The following PIK3R4 variants were observed in gnomAD, a reference collection of about 807,000 sequenced individuals.
The protein encoded by PIK3R4 is phosphoinositide 3-kinase regulatory subunit 4.
PIK3R4 carries 46 observed loss-of-function variants against 136.5 expected under a neutral mutation model. The observed-to-expected ratio is 0.34, with a 90% CI of 0.27 to 0.43. The LOEUF (loss-of-function observed/expected upper bound fraction) is 0.43, where lower values mean the gene tolerates loss of function less well. Among genes scored for constraint, PIK3R4 ranks in the 20% least tolerant of loss-of-function variants. PIK3R4 has a pLI of 1.00. For missense variants in PIK3R4, 1,331 were observed against 1,649.5 expected, an observed-to-expected ratio of 0.81 and a Z score of 3.35; for synonymous variants, 557 against 566.7, an observed-to-expected ratio of 0.98 and a Z score of 0.24.
chr3:130,709,937 A>G (rs560255318), intron 9 of PIK3R4, among the ~76,000 whole-genome samples: 3 of 152,292 alleles, frequency 2.0e-5, no homozygotes, highest in Admixed American at 1.3e-4. Flanking sequence ...TCTGGAATTT[A>G]ACAGTGGTGA....
Position 130,706,944 on chromosome 3 carries a change from G to A in PIK3R4, c.2721+4C>T, listed in dbSNP as rs371654843. On this transcript the variant is annotated splice_donor_region_variant and intron_variant, in intron 11 of 19. Coordinates refer to ENST00000356763, the MANE Select transcript of PIK3R4 (RefSeq NM_014602.3). The stretch of plus-strand genomic sequence containing the variant: ...GGAGGACTACTGACTGGGTGACACA[G>A]TACCTGTGAAGAAGTTGACAAAGGG... The A allele has an allele frequency of 2.9e-5, 46 of 1,604,466 alleles. No homozygotes were observed. Among genetic ancestry groups the A allele is most frequent in the Non-Finnish European group, 3.7e-5 (43 of 1,175,898 alleles).
intron 13 of PIK3R4, among the ~76,000 whole-genome samples, chr3:130,691,821 A>G (rs574853157): frequency 6.6e-6 from 1 of 151,050 alleles, no homozygotes; most frequent in Non-Finnish European, 1.5e-5. Flanking sequence ...TGTTTTTTTT[A>G]AAAAAATCTG....
Position 130,733,854 on chromosome 3 carries a change from T to A in PIK3R4, c.1144A>T (p.Ile382Leu). Reference sequence around the variant, plus strand: ...TTAAGGGTCTGTAGGCAGGATGTTATAACAGATACCAAGATAACCAGCCCA... The same window carrying A: ...TTAAGGGTCTGTAGGCAGGATGTTAAAACAGATACCAAGATAACCAGCCCA... ...ENGLVILVSV[I>L]TSCLQTLKYC... Residue 382 changes from isoleucine (I) to leucine (L), a missense_variant, in exon 4 of 20, where the codon ATA becomes TTA. Around this residue, in one of 2 missense-constraint regions of PIK3R4, gnomAD observed 1,180 missense variants for 1,407.0 expected, o/e 0.84. Coordinates refer to ENST00000356763, the MANE Select transcript of PIK3R4 (RefSeq NM_014602.3). The A allele has an allele frequency of 6.2e-7, 1 of 1,614,192 alleles. No homozygotes were observed. Among genetic ancestry groups the A allele is most frequent in the Admixed American group, 1.7e-5 (1 of 60,032 alleles).
Position 130,746,726 on chromosome 3 carries a change from C to G in PIK3R4, c.-455G>C, listed in dbSNP as rs1260187893. On this transcript the variant is annotated 5_prime_UTR_variant, in exon 1 of 20. Coordinates refer to ENST00000356763, the MANE Select transcript of PIK3R4 (RefSeq NM_014602.3). Reference sequence around the variant, plus strand: ...CACCACCGGGCGGGGGGAGATGGAACCCGGGAGAGAAGTGCAGACCGCCAG... The same window carrying G: ...CACCACCGGGCGGGGGGAGATGGAAGCCGGGAGAGAAGTGCAGACCGCCAG... 1 of 152,314 alleles carries G rather than the reference C, an allele frequency of 6.6e-6. No individual in the cohort carries two copies. The highest frequency in any genetic ancestry group is 2.4e-5 in the African/African-American group (1 of 41,442). The allele number at this position is 152,314 out of a possible 1,614,324, so 9.4% of individuals were successfully genotyped here. A position where few individuals can be genotyped will look rare whatever the true frequency, so the allele number is the denominator to read the frequency against.
chr3:130,721,290 C>T (rs1166651329), intron 7 of PIK3R4, among the ~76,000 whole-genome samples: 3 of 148,448 alleles, frequency 2.0e-5, no homozygotes, highest in Admixed American at 6.7e-5. Flanking sequence ...TGAGCCAAGA[C>T]GGCGCCACTG....
intron 12 of PIK3R4, among the ~76,000 whole-genome samples, chr3:130,704,222 A>G (rs2066594839): frequency 6.6e-6 from 1 of 152,144 alleles, no homozygotes; most frequent in Non-Finnish European, 1.5e-5. Flanking sequence ...ACAAAATTTG[A>G]CATCTTTTCT....
At chr3:130,732,766 T>C (rs1334908569) in intron 4 of PIK3R4, among the ~76,000 whole-genome samples, 2 of 147,282 alleles carry the variant, frequency 1.4e-5, no homozygotes, top group Non-Finnish European at 3.0e-5. Context: ...GACAAGCAAA[T>C]CATAAAATGA....
chr3:130,735,633 T>C (rs991990300), intron 3 of PIK3R4, among the ~76,000 whole-genome samples: 1 of 152,174 alleles, frequency 6.6e-6, no homozygotes, highest in African/African-American at 2.4e-5. Flanking sequence ...CTGAAGATTA[T>C]AGTGGGAAAA....
chr3:130,704,938 C>A (rs1454201988), intron 12 of PIK3R4, among the ~76,000 whole-genome samples: 1 of 152,128 alleles, frequency 6.6e-6, no homozygotes, highest in Admixed American at 6.5e-5. Context: ...TCAAGCAATT[C>A]TCTTGCCTTA....
intron 12 of PIK3R4, 38 bp downstream of exon 12, chr3:130,705,523 T>G (rs536907297): frequency 7.5e-7 from 1 of 1,333,318 alleles, no homozygotes; most frequent in East Asian, 2.3e-5. Flanking sequence ...CTTAAGCACC[T>G]AGACTAGACT....
chr3:130,727,384 C>G (rs1447532291), intron 6 of PIK3R4, among the ~76,000 whole-genome samples: 1 of 152,170 alleles, frequency 6.6e-6, no homozygotes, highest in South Asian at 2.1e-4. Context: ...CCACCGCGCC[C>G]GGCTGATTTT....
At chr3:130,703,550 TTTCA>T in intron 13 of PIK3R4, among the ~76,000 whole-genome samples, 169 bp downstream of exon 13, 1 of 152,360 alleles carries the variant, frequency 6.6e-6, no homozygotes, top group Non-Finnish European at 1.5e-5. Context: ...TTACTTATAC[TTTCA>T]TTGTCTCTCA....
At chr3:130,692,647 C>T (rs980816144) in intron 13 of PIK3R4, among the ~76,000 whole-genome samples, 7 of 152,130 alleles carry the variant, frequency 4.6e-5, no homozygotes, top group African/African-American at 9.7e-5. Context: ...TTATGAATAA[C>T]GCTGCTATAA....
intron 9 of PIK3R4, among the ~76,000 whole-genome samples, chr3:130,709,783 C>G (rs1397654425): frequency 6.6e-6 from 1 of 152,114 alleles, no homozygotes; most frequent in Non-Finnish European, 1.5e-5. Flanking sequence ...CAGAAGGCCA[C>G]ATATTGCATG....
chr3:130,719,925 C>T (rs1209670850), intron 7 of PIK3R4, among the ~76,000 whole-genome samples: 1 of 152,172 alleles, frequency 6.6e-6, no homozygotes, highest in Admixed American at 6.5e-5. Flanking sequence ...TGGGTAGCTA[C>T]TGCCCCTACA....
Position 130,705,738 on chromosome 3 carries a change from GTTTT to G in PIK3R4, c.2751_2754del (p.Lys917AsnfsTer3). 6.2e-7 allele frequency: 1 copy of G among 1,610,844 alleles called. No individual in the cohort carries two copies. The highest frequency in any genetic ancestry group is 8.5e-7 in the Non-Finnish European group (1 of 1,177,134). ...GTACTACTTAAAACCGGTATTACTG[GTTTT>G]TTATTTTGGACAGTTGTCACTTCTG... is the stretch of plus-strand genomic sequence containing the variant. On this transcript the variant is annotated frameshift_variant, in exon 12 of 20. Transcript: ENST00000356763. LOFTEE classifies it high-confidence loss of function.
chr3:130,732,033 G>A (rs147420442), intron 4 of PIK3R4, among the ~76,000 whole-genome samples: 5 of 152,170 alleles, frequency 3.3e-5, no homozygotes, highest in South Asian at 2.1e-4. Context: ...GGGTTATCAC[G>A]GACTCTCACC....
intron 7 of PIK3R4, among the ~76,000 whole-genome samples, chr3:130,719,583 G>A (rs2066687224): frequency 1.3e-5 from 2 of 152,100 alleles, no homozygotes; most frequent in South Asian, 4.1e-4. Context: ...AAGGGACACT[G>A]GGTATTTTCC....
intron 13 of PIK3R4, among the ~76,000 whole-genome samples, chr3:130,690,858 C>A (rs867125043): frequency 6.6e-6 from 1 of 151,542 alleles, no homozygotes; most frequent in African/African-American, 2.4e-5. Context: ...CATCTGCACA[C>A]ACTTCTCTCT....
Sources: gnomAD v4.1 joint callset for allele counts (sites outside exome capture counted in the v4.1 genomes callset) on GRCh38, gnomAD v4.1.1 for gene constraint, gnomAD v4.1.1 regional missense constraint, MANE v1.5 for transcripts, NCBI Gene and HGNC (gene_info 2026-07-23, HGNC 2026-07-21) for gene names.